TRRAP: variants seen among roughly 807,000 people sequenced by gnomAD.
TRRAP encodes the protein transformation/transcription domain-associated protein.
TRRAP carries 41 observed loss-of-function variants against 438.8 expected under a neutral mutation model. The ratio of observed to expected loss-of-function variants is 0.09; its 90% CI spans 0.07 to 0.12. The LOEUF is 0.12. Among genes scored for constraint, TRRAP ranks in the 10% least tolerant of loss-of-function variants. The probability of loss-of-function intolerance (pLI) is 1.00; values close to 1 mark genes in which losing one functional copy is unlikely to be tolerated. For missense variants in TRRAP, 3,122 were observed against 5,055.1 expected, an observed-to-expected ratio of 0.62 and a Z score of 11.60; for synonymous variants, 1,994 against 1,962.9, an observed-to-expected ratio of 1.02 and a Z score of -0.42.
chr7:98,928,999 G>A (rs1297006397), intron 23 of TRRAP, among the ~76,000 whole-genome samples: 1 of 150,264 alleles, frequency 6.7e-6, no homozygotes, highest in African/African-American at 2.5e-5. Context: ...GTGCAGTGGT[G>A]CGATCTCAGC....
chr7:98,999,418 C>G, intron 67 of TRRAP: 1 of 1,122,206 alleles, frequency 8.9e-7, no homozygotes, highest in Non-Finnish European at 1.3e-6. Context: ...GATCCAGCAG[C>G]TCCTCCAAAA....
intron 58 of TRRAP, 85 bp downstream of exon 58, chr7:98,978,989 A>C: frequency 6.4e-7 from 1 of 1,562,572 alleles, no homozygotes; most frequent in Non-Finnish European, 8.7e-7. Flanking sequence ...TTCCCTTAGA[A>C]CAAGCATTTT....
chr7:98,915,762 G>A lies in TRRAP; in HGVS notation c.2239G>A (p.Ala747Thr), dbSNP rs782165964. 1.2e-6 allele frequency: 2 copies of A among 1,614,082 alleles called. No homozygotes were observed. Among genetic ancestry groups the A allele is most frequent in the East Asian group, 2.2e-5 (1 of 44,872 alleles). The change falls in exon 19 of 73, where the codon GCG becomes ACG. Residue 747 changes from alanine to threonine, a missense_variant. By Grantham distance (58) the Ala-to-Thr change is moderately conservative. Transcript: ENST00000456197. ...HKIVNSSMEL[A>T]QTAKEPYNYF... Reference sequence around the variant, plus strand: ...GATTGTGAACAGCTCTATGGAGCTCGCGCAGACTGCCAAGGAACCCTACAA... The same window carrying A: ...GATTGTGAACAGCTCTATGGAGCTCACGCAGACTGCCAAGGAACCCTACAA...
chr7:98,967,292 TTG>T (rs1792199394), intron 50 of TRRAP, 130 bp downstream of exon 50: 1 of 1,364,210 alleles, frequency 7.3e-7, no homozygotes, highest in Non-Finnish European at 1.0e-6. Context: ...AAATGCTAAA[TTG>T]TGTGACCTAC....
Position 98,937,833 on chromosome 7 carries a change from C to G in TRRAP, c.4404+13C>G, listed in dbSNP as rs570722625. The G allele has an allele frequency of 6.3e-7, 1 of 1,599,754 alleles. No individual in the cohort carries two copies. Among genetic ancestry groups the G allele is most frequent in the South Asian group, 1.1e-5 (1 of 88,294 alleles). On this transcript the variant is annotated intron_variant, in intron 30 of 72. Transcript: ENST00000456197. The stretch of plus-strand genomic sequence containing the variant: ...TGATCAGATGATGGTAAGCCAAATG[C>G]ATTTAAACGCTCTGTAACAAACTTT...
At chr7:98,887,661 C>T (rs1288289737) in intron 3 of TRRAP, among the ~76,000 whole-genome samples, 3 of 128,964 alleles carry the variant, frequency 2.3e-5, no homozygotes, top group Admixed American at 1.0e-4. Context: ...AACCTGGAGG[C>T]GGAGGTTGCA....
In TRRAP at chr7:98,949,499, C is replaced by T. The variant is rs1387671388; in HGVS notation, c.4871C>T (p.Pro1624Leu). The T allele has an allele frequency of 3.1e-6, 5 of 1,610,946 alleles. No homozygotes were observed. The highest frequency in any genetic ancestry group is 1.3e-5 in the African/African-American group (1 of 74,686). ...AACAGGTTCATCACCCTGCTGCTGC[C>T]GGGGGGTGCCCAGACGGCTGTGCGC... ...NPNRFITLLL[P>L]GGAQTAVRPG... Residue 1624 changes from proline to leucine, a missense_variant, in exon 36 of 73, where the codon CCG becomes CTG. Transcript: ENST00000456197.
At chr7:98,965,404 G>A (rs913011621) in intron 48 of TRRAP, among the ~76,000 whole-genome samples, 4 of 152,106 alleles carry the variant, frequency 2.6e-5, no homozygotes, top group African/African-American at 9.7e-5. Context: ...TGGCTTCTGG[G>A]TGCACCTCAG....
At chr7:98,925,336 A>G in intron 22 of TRRAP, 73 bp downstream of exon 22, 7 of 1,560,894 alleles carry the variant, frequency 4.5e-6, no homozygotes, top group Non-Finnish European at 5.2e-6. Flanking sequence ...AGGGCCTCCC[A>G]GGTTTCCTGG....
At chr7:98,951,057 A>ATCTG in intron 39 of TRRAP, 53 bp downstream of exon 39, 2 of 662,226 alleles carry the variant, frequency 3.0e-6, no homozygotes, top group Non-Finnish European at 4.5e-6. Context: ...GTGGATGAAC[A>ATCTG]TCTGTGTGTG....
At chr7:98,925,751 G>GT (rs1222732831) in intron 22 of TRRAP, among the ~76,000 whole-genome samples, 1 of 152,170 alleles carries the variant, frequency 6.6e-6, no homozygotes, top group East Asian at 1.9e-4. Flanking sequence ...TTTCTGCATT[G>GT]TAAGTTTCAG....
Position 98,984,094 on chromosome 7 carries a change from G to A in TRRAP, c.9024G>A (p.Ala3008=), listed in dbSNP as rs530311376. ...ATGATTCCTTTCTTTGCCCTCTAGC[G>A]ATTGTAACTGCCTATGAGAATAGCT... ...IFMWRQHHYQ[A]IVTAYENSSQ... is the part of the protein sequence containing the mutation. Residue 3008 remains alanine (A), a splice_region_variant and synonymous_variant, in exon 61 of 73, where the codon GCG becomes GCA. Transcript: ENST00000456197. The A allele has an allele frequency of 4.4e-5, 71 of 1,595,922 alleles. No homozygotes were observed. The Middle Eastern group carries it at 5.0e-4, about 11-fold the overall frequency.
Position 98,956,031 on chromosome 7 carries a change from T to G in TRRAP, c.5938-115T>G. ...CTTGAGCATCAAGTTGGGCTGTGTG[T>G]GTATGTTGGGGCTGAGAGGCATGTC... On this transcript the variant is annotated intron_variant, in intron 41 of 72. Transcript: ENST00000456197. This position sits in a 1 kb window ranked among gnomAD's most constrained non-coding sequence, Gnocchi z 4.5. The G allele has an allele frequency of 1.6e-6, 2 of 1,272,524 alleles. No individual in the cohort carries two copies. Among genetic ancestry groups the G allele is most frequent in the Non-Finnish European group, 2.1e-6 (2 of 935,570 alleles). 78.8% of individuals were successfully genotyped at this position (1,272,524 alleles called of 1,614,324 possible). A position where few individuals can be genotyped will look rare whatever the true frequency, so the allele number is the denominator to read the frequency against.
chr7:98,913,468 T>A (rs556607267), intron 18 of TRRAP, among the ~76,000 whole-genome samples: 1 of 152,204 alleles, frequency 6.6e-6, no homozygotes, highest in Non-Finnish European at 1.5e-5. Flanking sequence ...TTTGTATTTT[T>A]AGTGGAGATG....
chr7:98,994,091 G>A lies in TRRAP; in HGVS notation c.10047+354G>A, dbSNP rs1290969131. 2.6e-5 allele frequency among the ~76,000 whole-genome samples: 4 copies of A among 152,164 alleles called. No individual in the cohort carries two copies. Among genetic ancestry groups the A allele is most frequent in the African/African-American group, 7.2e-5 (3 of 41,438 alleles). Reference sequence around the variant, plus strand: ...AATTTCCATAGATGGGAAATTGTAGGGATGTGGGGTCTTTTCAGCAGTCAG... The same window carrying A: ...AATTTCCATAGATGGGAAATTGTAGAGATGTGGGGTCTTTTCAGCAGTCAG... On this transcript the variant is annotated intron_variant, in intron 66 of 72. Coordinates refer to ENST00000456197, the MANE Select transcript of TRRAP (RefSeq NM_001375524.1). The surrounding 1 kb of genome is among the most constrained non-coding windows in gnomAD (Gnocchi z 4.8).
chr7:98,956,294 A>G lies in TRRAP; in HGVS notation c.6086A>G (p.Lys2029Arg), dbSNP rs144569333. Residue 2029 changes from lysine to arginine, a missense_variant, in exon 42 of 73, where the codon AAG becomes AGG. Lys to Arg is a conservative substitution (Grantham distance 26). This residue lies in a region of TRRAP where 992 missense variants were observed against 1,281.2 expected (regional missense o/e 0.77). Transcript: ENST00000456197. This position sits in a 1 kb window ranked among gnomAD's most constrained non-coding sequence, Gnocchi z 4.5. Reference protein sequence around the residue: ...VVIKWELQRIKDQQPDSDMDP... With the variant: ...VVIKWELQRIRDQQPDSDMDP... ...ATCAAGTGGGAGCTGCAGAGGATCA[A>G]GGACCAGCAGGTAGGGGTGTCAGCC... is the stretch of plus-strand genomic sequence containing the variant. The G allele has an allele frequency of 1.2e-6, 2 of 1,614,122 alleles. No individual in the cohort carries two copies. Among genetic ancestry groups the G allele is most frequent in the African/African-American group, 1.3e-5 (1 of 74,950 alleles).
rs1328333674 is a variant in TRRAP, at chr7:98,962,372, T to C, written c.6774T>C (p.Tyr2258=). The part of the protein sequence containing the change: ...CLYAAVGKVI[Y]EGLTNYEKAT... ...ACGCAGCCGTCGGAAAGGTCATCTA[T>C]GAAGGGCTCACCAACTACGAGAAGG... The change falls in exon 47 of 73, where the codon TAT becomes TAC. Residue 2258 remains tyrosine (Y), a synonymous_variant. Transcript: ENST00000456197. 1.9e-6 allele frequency: 3 copies of C among 1,614,106 alleles called. No homozygotes were observed. The highest frequency in any genetic ancestry group is 2.7e-5 in the African/African-American group (2 of 74,932).
intron 53 of TRRAP, among the ~76,000 whole-genome samples, chr7:98,974,156 G>A (rs541888045): frequency 6.6e-6 from 1 of 152,310 alleles, no homozygotes; most frequent in South Asian, 2.1e-4. Flanking sequence ...TGGGTGCCGG[G>A]GTAAAGCAGC....
At position 98,984,213 on chromosome 7, in the gene TRRAP, G is replaced by A; in HGVS notation, c.9143G>A (p.Gly3048Glu). 1 of 1,614,124 alleles carries A rather than the reference G, an allele frequency of 6.2e-7. No homozygotes were observed. The change falls in exon 61 of 73, where the codon GGA becomes GAA. Residue 3048 changes from glycine to glutamate, a missense_variant. Gly to Glu is a moderately conservative substitution (Grantham distance 98). Around this residue, in one of 24 missense-constraint regions of TRRAP, gnomAD observed 129 missense variants for 279.2 expected, o/e 0.46. Coordinates refer to ENST00000456197, the MANE Select transcript of TRRAP (RefSeq NM_001375524.1). ...IQYGKIARKQ[G>E]LVNVALDILS... ...TATGGAAAAATCGCCCGGAAACAAG[G>A]ACTGGTCAATGTAGCTCTGGATATA...
Sources: gnomAD v4.1 joint callset for allele counts (sites outside exome capture counted in the v4.1 genomes callset) on GRCh38, gnomAD v4.1.1 for gene constraint, gnomAD v4.1.1 regional missense constraint, Gnocchi (gnomAD v3.1) non-coding constraint, MANE v1.5 for transcripts, NCBI Gene and HGNC (gene_info 2026-07-23, HGNC 2026-07-21) for gene names.